Variants in LOC400499 observed in about 807,000 individuals in gnomAD.
At chr16:11,433,581 G>A in the LOC400499 span, among the ~76,000 whole-genome samples, 1 of 152,134 alleles carries the variant, frequency 6.6e-6, no homozygotes, top group Non-Finnish European at 1.5e-5. Context: ...GAGCATCTTT[G>A]GTTCTAATGA....
At chr16:11,508,789 G>A in the LOC400499 span, 86 of 399,094 alleles carry the variant, frequency 2.2e-4, no homozygotes, top group Admixed American at 1.1e-3. Context: ...GGCCTGGGAT[G>A]GTGTCTCCTC....
chr16:11,372,668 C>T, the LOC400499 span: 607 of 825,518 alleles, frequency 7.4e-4, 3 homozygotes, highest in African/African-American at 0.01. Context: ...TGTCAGGGAG[C>T]TGGAATTGCA....
the LOC400499 span, chr16:11,516,120 C>G: frequency 7.5e-6 from 3 of 399,750 alleles, no homozygotes; most frequent in Non-Finnish European, 1.3e-5. Flanking sequence ...CCCCCTACCC[C>G]CTTCCCATCT....
chr16:11,467,833 G>C, the LOC400499 span, among the ~76,000 whole-genome samples: 4 of 152,290 alleles, frequency 2.6e-5, no homozygotes. Context: ...TAAGCCGCAG[G>C]ACCTGTGAAT....
At chr16:11,499,779 G>C in the LOC400499 span, among the ~76,000 whole-genome samples, 5,398 of 152,198 alleles carry the variant, frequency 0.035, 129 homozygotes, top group Non-Finnish European at 0.052. Context: ...CATCTGACTT[G>C]GCACTCACTA....
chr16:11,473,885 C>G, the LOC400499 span, among the ~76,000 whole-genome samples: 5 of 152,142 alleles, frequency 3.3e-5, no homozygotes, highest in Admixed American at 6.6e-5. Flanking sequence ...AGACAGAATC[C>G]TCCTTGGTCA....
chr16:11,459,290 G>T, the LOC400499 span, among the ~76,000 whole-genome samples: 1 of 149,676 alleles, frequency 6.7e-6, no homozygotes, highest in Non-Finnish European at 1.5e-5. Context: ...TCCGCCTCTG[G>T]GGTTCAAGCC....
chr16:11,496,961 G>C, the LOC400499 span, among the ~76,000 whole-genome samples: 1 of 151,360 alleles, frequency 6.6e-6, no homozygotes, highest in African/African-American at 2.4e-5. Context: ...GTGGGTGTGT[G>C]TCCGTGCATT....
the LOC400499 span, chr16:11,514,523 C>G: frequency 5.0e-6 from 2 of 399,674 alleles, no homozygotes; most frequent in Non-Finnish European, 8.8e-6. Flanking sequence ...GCAGGTCAGG[C>G]GGGAGGTCAG....
At chr16:11,504,110 T>C in the LOC400499 span, among the ~76,000 whole-genome samples, 2 of 152,186 alleles carry the variant, frequency 1.3e-5, no homozygotes, top group East Asian at 3.8e-4. Flanking sequence ...ACCCTGAGAA[T>C]GCGCCTTTCA....
At chr16:11,460,571 T>G in the LOC400499 span, 6 of 1,535,426 alleles carry the variant, frequency 3.9e-6, no homozygotes, top group Admixed American at 1.2e-4. Flanking sequence ...CCGCAGCTTC[T>G]GGCTGGTGCT....
the LOC400499 span, among the ~76,000 whole-genome samples, chr16:11,428,209 T>C: frequency 6.6e-6 from 1 of 150,794 alleles, no homozygotes; most frequent in Non-Finnish European, 1.5e-5. Flanking sequence ...AGTTTCGCTC[T>C]TGTTGCCCAG....
At chr16:11,501,108 G>A in the LOC400499 span, 3 of 332,308 alleles carry the variant, frequency 9.0e-6, no homozygotes, top group Non-Finnish European at 1.5e-5. Flanking sequence ...GCTGACCCGG[G>A]TCTGGGACCC....
chr16:11,497,455 G>C, the LOC400499 span, among the ~76,000 whole-genome samples: 1 of 152,254 alleles, frequency 6.6e-6, no homozygotes, highest in African/African-American at 2.4e-5. Context: ...GCACATGGGA[G>C]GGGCCGCCTG....
the LOC400499 span, among the ~76,000 whole-genome samples, chr16:11,510,761 A>T: frequency 5.9e-5 from 9 of 151,514 alleles, no homozygotes; most frequent in Admixed American, 5.2e-4. Context: ...ACCTGCCAAG[A>T]ATCTGCAAAC....
the LOC400499 span, among the ~76,000 whole-genome samples, chr16:11,394,699 T>C: frequency 4.6e-5 from 7 of 152,154 alleles, no homozygotes; most frequent in South Asian, 2.1e-4. Flanking sequence ...GAGAAGACCA[T>C]GTGAAGATGC....
chr16:11,512,368 G>A, the LOC400499 span, among the ~76,000 whole-genome samples: 3 of 152,294 alleles, frequency 2.0e-5, no homozygotes, highest in Non-Finnish European at 2.9e-5. Flanking sequence ...GGAGGCCGAG[G>A]CAGGCAGATC....
At chr16:11,398,062 T>A in the LOC400499 span, among the ~76,000 whole-genome samples, 1 of 152,098 alleles carries the variant, frequency 6.6e-6, no homozygotes. Context: ...CAGCTCTAAC[T>A]CATGTGCCCG....
chr16:11,480,761 C>G, the LOC400499 span, among the ~76,000 whole-genome samples: 3 of 152,176 alleles, frequency 2.0e-5, no homozygotes, highest in Non-Finnish European at 4.4e-5. Context: ...CTGTATGTAA[C>G]AGCCAGCAAC....
Sources: gnomAD v4.1 joint callset for allele counts (sites outside exome capture counted in the v4.1 genomes callset) on GRCh38, gnomAD v4.1.1 for gene constraint, MANE v1.5 for transcripts.